Variants in PACS2 observed in about 807,000 individuals in gnomAD.
The protein encoded by PACS2 is PACS1-like protein.
In PACS2, 36 loss-of-function variants were observed where a neutral mutation model predicts 113.0. That is an observed-to-expected ratio of 0.32 (90% CI 0.24 to 0.42). The LOEUF (loss-of-function observed/expected upper bound fraction) is 0.42, where lower values mean the gene tolerates loss of function less well. PACS2 is among the 10% of genes least tolerant of loss of function. The pLI, the probability that PACS2 is intolerant of heterozygous loss-of-function variation, is 1.00. For missense variants in PACS2, 1,015 were observed against 1,239.5 expected, an observed-to-expected ratio of 0.82 and a Z score of 2.72; for synonymous variants, 589 against 536.1, an observed-to-expected ratio of 1.10 and a Z score of -1.36.
chr14:105,343,988 G>T (rs1595631914), intron 1 of PACS2, among the ~76,000 whole-genome samples: 1 of 150,836 alleles, frequency 6.6e-6, no homozygotes, highest in South Asian at 2.1e-4. Flanking sequence ...CACTTTGGGA[G>T]GCTGAGGTGG....
rs199646307 is a variant in PACS2 at position 105,390,011 on chromosome 14, C to G, written c.2076+8C>G. On this transcript the variant is annotated splice_region_variant and intron_variant, in intron 20 of 24. Transcript: ENST00000447393. Reference sequence around the variant, plus strand: ...TTCATTCCCTTTGTCGGGGTGAGTACTGGCCAGCTTTATGTGATGGGAAAC... The same window carrying G: ...TTCATTCCCTTTGTCGGGGTGAGTAGTGGCCAGCTTTATGTGATGGGAAAC... The G allele has an allele frequency of 1.9e-6, 3 of 1,613,178 alleles. No individual in the cohort carries two copies. In the African/African-American group the frequency reaches 4.0e-5, roughly 21 times the overall value.
rs1456758281 is a variant in PACS2 at position 105,324,440 on chromosome 14, G to T, written c.119+9403G>T. ...GCCTGGCCGTGGAGGGTCTCTGTAGGACAGGCTCCCGCTGAGGGCAGCCCT... is the reference window on the plus strand; with the variant it reads ...GCCTGGCCGTGGAGGGTCTCTGTAGTACAGGCTCCCGCTGAGGGCAGCCCT... On this transcript the variant is annotated intron_variant, in intron 1 of 24. Coordinates refer to ENST00000447393, the MANE Select transcript of PACS2 (RefSeq NM_001100913.3). This position sits in a 1 kb window ranked among gnomAD's most constrained non-coding sequence, Gnocchi z 4.7. Among the ~76,000 whole-genome samples, 1 of 152,190 alleles carries T rather than the reference G, an allele frequency of 6.6e-6. No homozygotes were observed. The highest frequency in any genetic ancestry group is 1.5e-5 in the Non-Finnish European group (1 of 68,026).
chr14:105,369,864 G>A lies in PACS2; in HGVS notation c.765G>A (p.Val255=). ...AGCAACAGAACTTCAAGCAGAAAGT[G>A]GTAGCGCTGCTGCGGAGGTTCAAAG... ...MTRQQNFKQK[V]VALLRRFKVS... Residue 255 remains valine (V), a synonymous_variant, in exon 8 of 25, where the codon GTG becomes GTA. Coordinates refer to ENST00000447393, the MANE Select transcript of PACS2 (RefSeq NM_001100913.3). 1 of 1,604,298 alleles carries A rather than the reference G, an allele frequency of 6.2e-7. No homozygotes were observed.
At chr14:105,304,726 C>T (rs1311475783) in intron 1 of PACS2, among the ~76,000 whole-genome samples, 1 of 152,174 alleles carries the variant, frequency 6.6e-6, no homozygotes, top group East Asian at 1.9e-4. Flanking sequence ...CACGTGGCTG[C>T]AGAGGCCTCA....
chr14:105,381,867 C>T (rs2081007419), intron 12 of PACS2, 47 bp from the exon 13 acceptor site: 2 of 1,522,072 alleles, frequency 1.3e-6, no homozygotes, highest in Non-Finnish European at 1.8e-6. Flanking sequence ...TGCCCCTGTT[C>T]CTGTTCCTGC....
Position 105,394,695 on chromosome 14 carries a change from C to T in PACS2, c.*23C>T. The T allele has an allele frequency of 4.8e-6, 7 of 1,463,224 alleles. No individual in the cohort carries two copies. The highest frequency in any genetic ancestry group is 5.8e-6 in the Non-Finnish European group (6 of 1,042,670). 90.6% of individuals were successfully genotyped at this position (1,463,224 alleles called of 1,614,324 possible). A position where few individuals can be genotyped will look rare whatever the true frequency, so the allele number is the denominator to read the frequency against. ...TAGCCCCACCCACCAGGGGGCCCAC[C>T]TCCTGCCCCATGCTGTGAGGGGCCC... On this transcript the variant is annotated 3_prime_UTR_variant, in exon 25 of 25. Transcript: ENST00000447393.
chr14:105,377,248 G>T (rs1555410691), intron 9 of PACS2, among the ~76,000 whole-genome samples: 1 of 152,156 alleles, frequency 6.6e-6, no homozygotes, highest in African/African-American at 2.4e-5. Flanking sequence ...GTCTCTGGGG[G>T]ATGCCCTGGG....
chr14:105,376,849 A>T lies in PACS2; in HGVS notation c.883A>T (p.Met295Leu), dbSNP rs377119981. The change falls in exon 9 of 25, where the codon ATG becomes TTG. Residue 295 changes from methionine to leucine, a missense_variant. Met to Leu is a conservative substitution (Grantham distance 15). Around this residue, in one of 3 missense-constraint regions of PACS2, gnomAD observed 859 missense variants for 1,056.8 expected, o/e 0.81. Coordinates refer to ENST00000447393, the MANE Select transcript of PACS2 (RefSeq NM_001100913.3). This position sits in a 1 kb window ranked among gnomAD's most constrained non-coding sequence, Gnocchi z 4.7. ...DLDLLYDTLD[M>L]EHPSDSGPDM... ...GGACCTCCTGTATGACACCCTGGACATGGAGCACCCCAGCGACAGCGGCCC... is the reference window on the plus strand; with the variant it reads ...GGACCTCCTGTATGACACCCTGGACTTGGAGCACCCCAGCGACAGCGGCCC... 7 of 1,613,198 alleles carry T rather than the reference A, an allele frequency of 4.3e-6. No individual in the cohort carries two copies. In the South Asian group the frequency reaches 7.7e-5, roughly 18 times the overall value.
intron 1 of PACS2, among the ~76,000 whole-genome samples, chr14:105,320,032 C>A (rs906121547): frequency 2.0e-5 from 3 of 152,180 alleles, no homozygotes; most frequent in African/African-American, 7.2e-5. Flanking sequence ...GGCTGGAGTG[C>A]AGTGGCGTGA....
Position 105,354,607 on chromosome 14 carries a change from T to C in PACS2, c.298-445T>C, listed in dbSNP as rs1166959249. On this transcript the variant is annotated intron_variant, in intron 3 of 24. Coordinates refer to ENST00000447393, the MANE Select transcript of PACS2 (RefSeq NM_001100913.3). This position sits in a 1 kb window ranked among gnomAD's most constrained non-coding sequence, Gnocchi z 4.2. ...GCCTGTGGTGAGACGTGCAGGCGAG[T>C]TGGGTGAACAGGGGGCCTCGGAGGG... Among the ~76,000 whole-genome samples, 2 of 152,118 alleles carry C rather than the reference T, an allele frequency of 1.3e-5. No individual in the cohort carries two copies. Among genetic ancestry groups the C allele is most frequent in the African/African-American group, 2.4e-5 (1 of 41,412 alleles).
rs2081436006 is a variant in PACS2 at position 105,393,566 on chromosome 14, C to T, written c.2596+231C>T. On this transcript the variant is annotated intron_variant, in intron 24 of 24. Transcript: ENST00000447393. Reference sequence around the variant, plus strand: ...GCTTTTTAAAAATAATGACTTGTTTCGTTTTTCTTGTTTGTTTTTTGTTTT... The same window carrying T: ...GCTTTTTAAAAATAATGACTTGTTTTGTTTTTCTTGTTTGTTTTTTGTTTT... 1.2e-5 allele frequency: 5 copies of T among 429,936 alleles called. No individual in the cohort carries two copies. In the South Asian group the frequency reaches 1.7e-4, roughly 15 times the overall value. 26.6% of individuals were successfully genotyped at this position (429,936 alleles called of 1,614,324 possible).
At chr14:105,382,349 GCT>G in intron 13 of PACS2, 126 bp from the exon 14 acceptor site, 1 of 729,222 alleles carries the variant, frequency 1.4e-6, no homozygotes, top group Non-Finnish European at 2.4e-6. Flanking sequence ...AAGCTGGCCA[GCT>G]CTCTTCCTGC....
rs1448559965 is a variant in PACS2, at chr14:105,315,191, C to T, written c.119+154C>T. Reference sequence around the variant, plus strand: ...CCGCCGGTTCGACGCGTGCAGCCGCCGCCCCCCCGCAGCTCCGGCAAGCGC... The same window carrying T: ...CCGCCGGTTCGACGCGTGCAGCCGCTGCCCCCCCGCAGCTCCGGCAAGCGC... On this transcript the variant is annotated intron_variant, in intron 1 of 24. Coordinates refer to ENST00000447393, the MANE Select transcript of PACS2 (RefSeq NM_001100913.3). This position sits in a 1 kb window ranked among gnomAD's most constrained non-coding sequence, Gnocchi z 4.4. 1 of 291,370 alleles carries T rather than the reference C, an allele frequency of 3.4e-6. No individual in the cohort carries two copies. Among genetic ancestry groups the T allele is most frequent in the Admixed American group, 6.3e-5 (1 of 15,996 alleles). The allele number at this position is 291,370 out of a possible 1,614,324, so 18.0% of individuals were successfully genotyped here.
Position 105,381,181 on chromosome 14 carries a change from G to T in PACS2, c.1268+82G>T, listed in dbSNP as rs587613078. ...GTCACGGGCATCAGTCGGGGTGGGTGCGTGTCAGTCCATCCTGATGAGCTC... is the reference window on the plus strand; with the variant it reads ...GTCACGGGCATCAGTCGGGGTGGGTTCGTGTCAGTCCATCCTGATGAGCTC... On this transcript the variant is annotated intron_variant, in intron 12 of 24. Transcript: ENST00000447393. 1.1e-3 allele frequency: 1,474 copies of T among 1,282,640 alleles called. 19 individuals are homozygous for T. In the African/African-American group the frequency reaches 0.019, roughly 17 times the overall value. 79.5% of individuals were successfully genotyped at this position (1,282,640 alleles called of 1,614,324 possible).
intron 1 of PACS2, among the ~76,000 whole-genome samples, chr14:105,342,230 CTGTGTG>C (rs373390359): frequency 0.012 from 1,680 of 140,316 alleles, 7 homozygotes; most frequent in Non-Finnish European, 0.016. Context: ...AAGCTGCTGC[CTGTGTG>C]TGTGTGTGTG....
In PACS2 at chr14:105,398,092, C is replaced by G. The variant is rs1414910495; in HGVS notation, c.*3420C>G. 2.0e-5 allele frequency: 3 copies of G among 152,220 alleles called. No individual in the cohort carries two copies. Among genetic ancestry groups the G allele is most frequent in the African/African-American group, 7.2e-5 (3 of 41,458 alleles). 9.4% of individuals were successfully genotyped at this position (152,220 alleles called of 1,614,324 possible). Reference sequence around the variant, plus strand: ...ACGGATTCTAATGTCACGTATGTGACCGTGTGGACTATTTCAAGGTGCTGA... The same window carrying G: ...ACGGATTCTAATGTCACGTATGTGAGCGTGTGGACTATTTCAAGGTGCTGA... On this transcript the variant is annotated 3_prime_UTR_variant, in exon 25 of 25. Transcript: ENST00000447393.
At chr14:105,384,511 G>A in intron 17 of PACS2, 48 bp downstream of exon 17, 3 of 1,269,238 alleles carry the variant, frequency 2.4e-6, no homozygotes, top group Admixed American at 1.8e-5. Context: ...GGAGGAAGGG[G>A]CCCCGGTTTC....
At chr14:105,394,089 G>T in intron 24 of PACS2, 1 of 343,282 alleles carries the variant, frequency 2.9e-6, no homozygotes, top group Non-Finnish European at 4.1e-6. Flanking sequence ...GCAAGTAACT[G>T]TTTCAGAAAC....
chr14:105,361,917 C>G (rs1223673904), intron 4 of PACS2, among the ~76,000 whole-genome samples: 3 of 152,092 alleles, frequency 2.0e-5, no homozygotes, highest in African/African-American at 7.2e-5. Context: ...ACATTGCACT[C>G]CAGCCTGGGC....
Sources: gnomAD v4.1 joint callset for allele counts (sites outside exome capture counted in the v4.1 genomes callset) on GRCh38, gnomAD v4.1.1 for gene constraint, gnomAD v4.1.1 regional missense constraint, Gnocchi (gnomAD v3.1) non-coding constraint, MANE v1.5 for transcripts, NCBI Gene and HGNC (gene_info 2026-07-23, HGNC 2026-07-21) for gene names.